The following TERB1 variants were observed in gnomAD, a reference collection of about 807,000 sequenced individuals.
TERB1 encodes the protein telomere repeat binding bouquet formation protein 1.
Under a neutral mutation model 92.3 loss-of-function variants are expected in TERB1, and 63 were observed. The ratio of observed to expected loss-of-function variants is 0.68; its 90% CI spans 0.56 to 0.84. The LOEUF (loss-of-function observed/expected upper bound fraction) is 0.84. Ranked by LOEUF, TERB1 falls within the 40% of genes least tolerant of loss-of-function variation. The probability of loss-of-function intolerance (pLI) is 0.00; values close to 1 mark genes in which losing one functional copy is unlikely to be tolerated. For missense variants in TERB1, 709 were observed against 843.7 expected (o/e 0.84, Z 1.98); for synonymous variants, 252 against 283.9 (o/e 0.89, Z 1.13).
intron 1 of TERB1, among the ~76,000 whole-genome samples, 155 bp from the exon 2 acceptor site, chr16:66,801,208 CAA>C (rs375254830): frequency 7.9e-5 from 12 of 152,376 alleles, no homozygotes; most frequent in Middle Eastern, 3.4e-3. Flanking sequence ...CTCCACACAT[CAA>C]AGTCACCTGG....
chr16:66,786,236 T>G lies in TERB1; in HGVS notation c.450A>C (p.Ser150=). Residue 150 remains serine (S), a synonymous_variant, in exon 7 of 19, where the codon TCA becomes TCC. Coordinates refer to ENST00000433154, the MANE Select transcript of TERB1 (RefSeq NM_001136505.2). The part of the protein sequence containing the change: ...VRETGCITVL[S]RLFRTVISKH... ...TTGTATTTGTTTACCTGAATAACCG[T>G]GACAGAACTGTAATACAACCTGTTT... 1 of 1,549,722 alleles carries G rather than the reference T, an allele frequency of 6.5e-7. No individual in the cohort carries two copies. Among genetic ancestry groups the G allele is most frequent in the Non-Finnish European group, 8.7e-7 (1 of 1,145,970 alleles).
intron 3 of TERB1, among the ~76,000 whole-genome samples, chr16:66,794,922 AAC>A (rs57731987): frequency 6.3e-4 from 92 of 146,204 alleles, no homozygotes; most frequent in Non-Finnish European, 1.0e-3. Flanking sequence ...AAAAAAAAAA[AAC>A]ACACACACAC....
chr16:66,776,557 A>T (rs1451896863), intron 11 of TERB1, among the ~76,000 whole-genome samples: 1 of 151,866 alleles, frequency 6.6e-6, no homozygotes, highest in African/African-American at 2.4e-5. Flanking sequence ...AGGAAGAAAG[A>T]GTGGAAGAAG....
At chr16:66,783,795 G>A (rs1416715852) in intron 9 of TERB1, among the ~76,000 whole-genome samples, 1 of 152,134 alleles carries the variant, frequency 6.6e-6, no homozygotes, top group Non-Finnish European at 1.5e-5. Flanking sequence ...TCTCAGGTAT[G>A]ATAATAGCAC....
intron 2 of TERB1, among the ~76,000 whole-genome samples, chr16:66,797,384 T>C (rs1174847431): frequency 6.6e-6 from 1 of 151,738 alleles, no homozygotes; most frequent in African/African-American, 2.4e-5. Flanking sequence ...TACAGGCACA[T>C]GCCACCATAC....
In TERB1 at chr16:66,790,577, TA is replaced by T; in HGVS notation, c.271+17del. 1 of 1,502,558 alleles carries T rather than the reference TA, an allele frequency of 6.7e-7. No individual in the cohort carries two copies. The highest frequency in any genetic ancestry group is 9.0e-7 in the Non-Finnish European group (1 of 1,110,318). 93.1% of individuals were successfully genotyped at this position (1,502,558 alleles called of 1,614,324 possible). A position where few individuals can be genotyped will look rare whatever the true frequency, so the allele number is the denominator to read the frequency against. On this transcript the variant is annotated intron_variant, in intron 5 of 18. Transcript: ENST00000433154. ...ACACAATGCTTAAAGTATAATGAAA[TA>T]AAGTTTTATATTTTACCATTTTTCT... is the stretch of plus-strand genomic sequence containing the variant.
rs537322189 is a variant in TERB1, at chr16:66,801,472, T to G, written c.-114A>C. ...CTTACACAGGCGCCAACATACAGAG[T>G]TTCCAAGCGCGGTAAGGCAGGACAA... is the stretch of plus-strand genomic sequence containing the variant. On this transcript the variant is annotated 5_prime_UTR_variant, in exon 1 of 19. Coordinates refer to ENST00000433154, the MANE Select transcript of TERB1 (RefSeq NM_001136505.2). The G allele has an allele frequency of 6.6e-6, 1 of 151,406 alleles. No individual in the cohort carries two copies. The highest frequency in any genetic ancestry group is 1.5e-5 in the Non-Finnish European group (1 of 67,830). The allele number at this position is 151,406 out of a possible 1,614,324, so 9.4% of individuals were successfully genotyped here.
intron 14 of TERB1, among the ~76,000 whole-genome samples, chr16:66,769,395 A>G (rs1301420162): frequency 6.6e-6 from 1 of 152,194 alleles, no homozygotes; most frequent in East Asian, 1.9e-4. Flanking sequence ...TCCCAAGTAC[A>G]GTAACCAACA....
intron 5 of TERB1, among the ~76,000 whole-genome samples, chr16:66,789,693 C>T (rs944188147): frequency 1.5e-5 from 2 of 133,840 alleles, no homozygotes; most frequent in African/African-American, 5.8e-5. Context: ...AGATTGGTTC[C>T]TAAAAGGTGA....
intron 2 of TERB1, among the ~76,000 whole-genome samples, chr16:66,797,623 C>CCACACACA (rs71145942): frequency 0.028 from 3,991 of 140,894 alleles, 64 homozygotes; most frequent in East Asian, 0.046. Flanking sequence ...TAAAAACACA[C>CCACACACA]CACACACACA....
intron 2 of TERB1, among the ~76,000 whole-genome samples, chr16:66,798,901 A>G (rs1317028729): frequency 1.3e-5 from 2 of 152,254 alleles, no homozygotes; most frequent in Non-Finnish European, 2.9e-5. Context: ...ACGAAGATAC[A>G]TGAGGAGAGG....
chr16:66,765,156 G>A (rs917525389), intron 16 of TERB1, among the ~76,000 whole-genome samples: 1 of 152,172 alleles, frequency 6.6e-6, no homozygotes, highest in African/African-American at 2.4e-5. Flanking sequence ...CATAATGTTT[G>A]TGGAATGAAT....
chr16:66,760,144 A>AAAAAG (rs1337449376), intron 16 of TERB1, among the ~76,000 whole-genome samples: 4 of 112,704 alleles, frequency 3.5e-5, no homozygotes, highest in Admixed American at 9.5e-5. Context: ...AAAAAAAAAA[A>AAAAAG]AAAAGAAAAG....
intron 3 of TERB1, among the ~76,000 whole-genome samples, chr16:66,792,194 C>G (rs2145236003): frequency 6.6e-6 from 1 of 152,228 alleles, no homozygotes; most frequent in South Asian, 2.1e-4. Context: ...GATGTAAAAA[C>G]AGCATCTGAT....
chr16:66,758,805 A>T lies in TERB1; in HGVS notation c.1964T>A (p.Leu655His). The change falls in exon 18 of 19, where the codon CTC becomes CAC. Residue 655 changes from leucine (L) to histidine (H), a missense_variant. Leu to His is a moderately conservative substitution (Grantham distance 99, BLOSUM62 -3). Coordinates refer to ENST00000433154, the MANE Select transcript of TERB1 (RefSeq NM_001136505.2). ...ILLTPRRRQR[L>H]SNESTTPGGI... ...TCCAGGGGTAGTAGATTCATTACTG[A>T]GTCGTTGTCTTCTACGTGGGGTCAG... The T allele has an allele frequency of 6.5e-7, 1 of 1,535,986 alleles. No homozygotes were observed. Among genetic ancestry groups the T allele is most frequent in the Non-Finnish European group, 8.8e-7 (1 of 1,138,654 alleles).
At chr16:66,795,724 C>A in intron 3 of TERB1, among the ~76,000 whole-genome samples, 1 of 152,194 alleles carries the variant, frequency 6.6e-6, no homozygotes, top group Non-Finnish European at 1.5e-5. Context: ...CTTGACATTA[C>A]AACTTTCCTC....
rs1169226793 is a variant in TERB1 at position 66,795,471 on chromosome 16, T to C, written c.31+1297A>G. Among the ~76,000 whole-genome samples the C allele has an allele frequency of 2.6e-5, 4 of 152,190 alleles. No individual in the cohort carries two copies. In the South Asian group the frequency reaches 6.2e-4, roughly 24 times the overall value. ...TCATTTTCCCACTTTCCAGCTAGTG[T>C]TTCCTGGGATCACTTTCTGAAAAAA... On this transcript the variant is annotated intron_variant, in intron 3 of 18. Transcript: ENST00000433154.
intron 18 of TERB1, among the ~76,000 whole-genome samples, chr16:66,757,092 A>C (rs1002126033): frequency 6.6e-6 from 1 of 152,182 alleles, no homozygotes; most frequent in South Asian, 2.1e-4. Context: ...TAAGTTTATC[A>C]AGGGGGAAAA....
At chr16:66,793,226 T>C (rs2018866888) in intron 3 of TERB1, among the ~76,000 whole-genome samples, 1 of 143,210 alleles carries the variant, frequency 7.0e-6, no homozygotes, top group African/African-American at 2.6e-5. Context: ...TTTTTTTTTT[T>C]TTTTTTTTTG....
Sources: allele counts gnomAD v4.1 joint callset (sites outside exome capture counted in the v4.1 genomes callset), GRCh38; gene constraint gnomAD v4.1.1; transcripts MANE v1.5; gene names NCBI Gene and HGNC (gene_info 2026-07-23, HGNC 2026-07-21).